Variants in ACAT1 observed in about 807,000 individuals in gnomAD.
The protein encoded by ACAT1 is acetyl-CoA acetyltransferase, mitochondrial.
ACAT1 carries 28 observed loss-of-function variants against 47.3 expected under a neutral mutation model. The ratio of observed to expected loss-of-function variants is 0.59; its 90% CI spans 0.44 to 0.81. The LOEUF (loss-of-function observed/expected upper bound fraction) is 0.81. Ranked by LOEUF, ACAT1 falls within the 30% of genes least tolerant of loss-of-function variation. The pLI is 0.00. For synonymous variants in ACAT1, 181 were observed against 173.6 expected (o/e 1.04, Z -0.34); for missense variants, 469 against 524.3 (o/e 0.89, Z 1.03).
chr11:108,119,741 G>A (rs1410180874), upstream of ACAT1, among the ~76,000 whole-genome samples: 1 of 152,044 alleles, frequency 6.6e-6, no homozygotes, highest in Non-Finnish European at 1.5e-5. Flanking sequence ...AAGCAGCCCA[G>A]TATGAAAAAT....
chr11:108,147,574 C>A lies in ACAT1; in HGVS notation c.*184C>A. 1 of 823,478 alleles carries A rather than the reference C, an allele frequency of 1.2e-6. No individual in the cohort carries two copies. The highest frequency in any genetic ancestry group is 1.8e-6 in the Non-Finnish European group (1 of 561,532). The allele number at this position is 823,478 out of a possible 1,614,324, so 51.0% of individuals were successfully genotyped here. A position where few individuals can be genotyped will look rare whatever the true frequency, so the allele number is the denominator to read the frequency against. ...TTTTGAAATTAAAAATAAATTTCTT[C>A]TTCTGCTTTTTTCTTGGTAACCTTG... On this transcript the variant is annotated 3_prime_UTR_variant, in exon 12 of 12. Transcript: ENST00000265838.
At chr11:108,144,476 C>A (rs1349117190) in intron 10 of ACAT1, among the ~76,000 whole-genome samples, 2 of 152,040 alleles carry the variant, frequency 1.3e-5, no homozygotes, top group Non-Finnish European at 2.9e-5. Flanking sequence ...AGACAGAAAA[C>A]CTACATATTC....
chr11:108,120,353 A>T (rs1269194919), upstream of ACAT1, among the ~76,000 whole-genome samples: 1 of 152,120 alleles, frequency 6.6e-6, no homozygotes, highest in African/African-American at 2.4e-5. Flanking sequence ...AAATTAAAAA[A>T]ATTAGCATGG....
chr11:108,121,780 G>A (rs2077154797), intron 1 of ACAT1, 102 bp downstream of exon 1: 5 of 1,342,874 alleles, frequency 3.7e-6, no homozygotes, highest in Admixed American at 4.0e-5. Flanking sequence ...CGGCCCGGGC[G>A]CGCGGCTTAG....
chr11:108,122,366 A>G (rs1396101400), intron 1 of ACAT1, among the ~76,000 whole-genome samples: 1 of 152,244 alleles, frequency 6.6e-6, no homozygotes, highest in Non-Finnish European at 1.5e-5. Context: ...GGGAGTACGC[A>G]CCACAGATTG....
At chr11:108,132,018 T>C (rs2077370279) in intron 2 of ACAT1, 64 bp downstream of exon 2, 3 of 1,023,106 alleles carry the variant, frequency 2.9e-6, no homozygotes, top group Admixed American at 1.8e-5. Context: ...TAAAAATGCA[T>C]ATACTTATGA....
intron 9 of ACAT1, 37 bp downstream of exon 9, chr11:108,142,587 A>G (rs939934128): frequency 1.3e-6 from 2 of 1,542,724 alleles, no homozygotes; most frequent in African/African-American, 2.7e-5. Context: ...CTGTAATCCC[A>G]GCACTTTCGG....
intron 2 of ACAT1, 40 bp downstream of exon 2, chr11:108,131,994 A>C (rs778611699): frequency 4.6e-6 from 6 of 1,296,994 alleles, no homozygotes; most frequent in Non-Finnish European, 6.7e-6. Flanking sequence ...TCCAGAATTT[A>C]AAGGAAATGT....
upstream of ACAT1, among the ~76,000 whole-genome samples, chr11:108,119,419 C>A (rs1284981879): frequency 6.6e-6 from 1 of 151,956 alleles, no homozygotes; most frequent in Non-Finnish European, 1.5e-5. Flanking sequence ...GGCCAGGCTG[C>A]TTTTAACTCC....
chr11:108,143,925 T>G (rs2077642514), intron 9 of ACAT1, 58 bp from the exon 10 acceptor site: 2 of 1,592,358 alleles, frequency 1.3e-6, no homozygotes, highest in East Asian at 4.5e-5. Context: ...CTTGTGCATA[T>G]TCTATACAGT....
rs148639841 is a variant in ACAT1 at position 108,138,934 on chromosome 11, A to C, written c.472A>C (p.Asn158His). ...GGCAGGTGGGATGGAGAGCATGTCC[A>C]ATGTTCCATATGTAATGAACAGAGG... is the stretch of plus-strand genomic sequence containing the variant. ...MVAGGMESMSNVPYVMNRGST... is the reference protein window; with the variant it reads ...MVAGGMESMSHVPYVMNRGST... The change falls in exon 6 of 12, where the codon AAT becomes CAT. Residue 158 changes from asparagine (N) to histidine (H), a missense_variant. By Grantham distance (68) the Asn-to-His change is moderately conservative. Transcript: ENST00000265838. The C allele has an allele frequency of 6.2e-7, 1 of 1,614,148 alleles. No individual in the cohort carries two copies. Among genetic ancestry groups the C allele is most frequent in the Non-Finnish European group, 8.5e-7 (1 of 1,180,020 alleles).
At chr11:108,139,355 C>T (rs1169997206) in intron 6 of ACAT1, among the ~76,000 whole-genome samples, 1 of 151,976 alleles carries the variant, frequency 6.6e-6, no homozygotes, top group Non-Finnish European at 1.5e-5. Flanking sequence ...CTTTGGGAGG[C>T]CGAGGCAGGT....
chr11:108,135,408 A>G (rs1443562423), intron 5 of ACAT1, among the ~76,000 whole-genome samples, 166 bp downstream of exon 5: 1 of 152,156 alleles, frequency 6.6e-6, no homozygotes, highest in Non-Finnish European at 1.5e-5. Flanking sequence ...CATTTGAAGT[A>G]TGGTCAAAAT....
intron 11 of ACAT1, among the ~76,000 whole-genome samples, chr11:108,146,806 G>T (rs982663786): frequency 6.6e-6 from 1 of 152,164 alleles, no homozygotes; most frequent in Non-Finnish European, 1.5e-5. Flanking sequence ...ACCTGGCCAG[G>T]CACGGTGGCT....
intron 5 of ACAT1, among the ~76,000 whole-genome samples, chr11:108,135,531 A>G (rs77782344): frequency 1.5e-5 from 2 of 134,542 alleles, no homozygotes; most frequent in Non-Finnish European, 3.2e-5. Flanking sequence ...CTGCTCTTTG[A>G]AAAAAAAAAA....
chr11:108,133,694 A>G (rs2077405108), intron 2 of ACAT1, 126 bp from the exon 3 acceptor site: 1 of 776,566 alleles, frequency 1.3e-6, no homozygotes, highest in African/African-American at 1.7e-5. Flanking sequence ...CAGCTGTTCA[A>G]CTATTGAGAT....
At chr11:108,127,466 C>T (rs1468064270) in intron 1 of ACAT1, among the ~76,000 whole-genome samples, 1 of 152,026 alleles carries the variant, frequency 6.6e-6, no homozygotes, top group Non-Finnish European at 1.5e-5. Flanking sequence ...TATGGGGTTT[C>T]ACCGTGTTAG....
At chr11:108,136,058 TCTTTA>T (rs772218358) in intron 5 of ACAT1, 26 of 666,040 alleles carry the variant, frequency 3.9e-5, no homozygotes, top group South Asian at 8.5e-5. Flanking sequence ...CTATATCTTG[TCTTTA>T]CTTGAGATCA....
At position 108,147,529 on chromosome 11, in the gene ACAT1, AATG is replaced by A. The variant is rs745386184; in HGVS notation, c.*144_*146del. ...TTCTATGTTAACTTTTAAAAATCAAAATGATGAAATCCCAAAACATTTTGAAAT... is the reference window on the plus strand; with the variant it reads ...TTCTATGTTAACTTTTAAAAATCAAAATGAAATCCCAAAACATTTTGAAAT... On this transcript the variant is annotated 3_prime_UTR_variant, in exon 12 of 12. Coordinates refer to ENST00000265838, the MANE Select transcript of ACAT1 (RefSeq NM_000019.4). 4.8e-5 allele frequency: 54 copies of A among 1,132,814 alleles called. No individual in the cohort carries two copies. The highest frequency in any genetic ancestry group is 6.8e-5 in the Non-Finnish European group (54 of 797,220). 70.2% of individuals were successfully genotyped at this position (1,132,814 alleles called of 1,614,324 possible).
Sources: allele counts gnomAD v4.1 joint callset (sites outside exome capture counted in the v4.1 genomes callset), GRCh38; gene constraint gnomAD v4.1.1; transcripts MANE v1.5; gene names NCBI Gene and HGNC (gene_info 2026-07-23, HGNC 2026-07-21).